The following NRG1 variants were observed in gnomAD, a reference collection of about 807,000 sequenced individuals.
The protein encoded by NRG1 is pro-neuregulin-1, membrane-bound isoform.
In NRG1, 18 loss-of-function variants were observed where a neutral mutation model predicts 63.8. That is an observed-to-expected ratio of 0.28 (90% confidence interval 0.19 to 0.42). The LOEUF is 0.42. Ranked by LOEUF, NRG1 falls within the 10% of genes least tolerant of loss-of-function variation. NRG1 has a pLI of 1.00. For synonymous variants in NRG1, 302 were observed against 301.3 expected, an observed-to-expected ratio of 1.00 and a Z score of -0.02; for missense variants, 762 against 814.7, an observed-to-expected ratio of 0.94 and a Z score of 0.79.
At chr8:31,891,963 G>A (rs1400916994) in intron 1 of NRG1, among the ~76,000 whole-genome samples, 1 of 151,988 alleles carries the variant, frequency 6.6e-6, no homozygotes, top group Non-Finnish European at 1.5e-5. Flanking sequence ...ATTAAATGAA[G>A]AACAGATTAG....
chr8:32,586,178 A>G (rs911336809), intron 1 of NRG1, among the ~76,000 whole-genome samples: 5 of 134,862 alleles, frequency 3.7e-5, no homozygotes, highest in African/African-American at 1.4e-4. Context: ...ATATATATAT[A>G]TATATAATGT....
chr8:31,812,057 C>T (rs1479230393), intron 1 of NRG1, among the ~76,000 whole-genome samples: 1 of 151,908 alleles, frequency 6.6e-6, no homozygotes, highest in Non-Finnish European at 1.5e-5. Flanking sequence ...TCAGATAGAC[C>T]CCATATATAA....
At chr8:32,357,861 GAC>G (rs1806661029) in intron 1 of NRG1, among the ~76,000 whole-genome samples, 1 of 152,166 alleles carries the variant, frequency 6.6e-6, no homozygotes, top group Admixed American at 6.5e-5. Context: ...ACTTTTAAAA[GAC>G]AGTGTAATAA....
At chr8:32,160,222 G>A (rs1395109110) in intron 1 of NRG1, among the ~76,000 whole-genome samples, 2 of 152,156 alleles carry the variant, frequency 1.3e-5, no homozygotes, top group African/African-American at 2.4e-5. Flanking sequence ...AGGCAGACAC[G>A]TTCAAATATG....
At chr8:31,946,151 A>G (rs927511196) in intron 1 of NRG1, among the ~76,000 whole-genome samples, 1 of 152,242 alleles carries the variant, frequency 6.6e-6, no homozygotes, top group African/African-American at 2.4e-5. Context: ...ATAATTGCCT[A>G]AACAATTCAT....
intron 11 of NRG1, among the ~76,000 whole-genome samples, chr8:32,762,771 G>C (rs1830953433): frequency 6.6e-6 from 1 of 152,188 alleles, no homozygotes; most frequent in Non-Finnish European, 1.5e-5. Context: ...GCTGAGAAAT[G>C]TGACTCTGAA....
intron 1 of NRG1, among the ~76,000 whole-genome samples, chr8:32,121,986 A>G (rs964989211): frequency 1.3e-5 from 2 of 151,948 alleles, no homozygotes; most frequent in Non-Finnish European, 2.9e-5. Context: ...CTTGCTACTT[A>G]TTTCCTTTAT....
At chr8:31,739,233 C>T (rs78090045) in intron 1 of NRG1, among the ~76,000 whole-genome samples, 5,144 of 152,070 alleles carry the variant, frequency 0.034, 122 homozygotes, top group Middle Eastern at 0.058. Flanking sequence ...GGTCTTCACG[C>T]GGCAAACCAA....
chr8:32,602,018 G>A (rs185263838), intron 2 of NRG1, among the ~76,000 whole-genome samples: 4 of 152,102 alleles, frequency 2.6e-5, no homozygotes, highest in African/African-American at 4.8e-5. Context: ...GTTTTCGTAC[G>A]TGAATGTACT....
At position 31,940,443 on chromosome 8, in the gene NRG1, A is replaced by G. The variant is rs1225664931; in HGVS notation, c.37+301012A>G. Among the ~76,000 whole-genome samples the G allele has an allele frequency of 5.3e-5, 8 of 152,192 alleles. No homozygotes were observed. In the South Asian group the frequency reaches 1.0e-3, roughly 20 times the overall value. On this transcript the variant is annotated intron_variant, in intron 1 of 10. Coordinates refer to the NRG1 transcript ENST00000519301. ...TTCATAGCATTAAATGCTTACATCAAAAAGTCTGAAAGAGCACAAATAGAC... is the reference window on the plus strand; with the variant it reads ...TTCATAGCATTAAATGCTTACATCAGAAAGTCTGAAAGAGCACAAATAGAC...
At chr8:31,873,876 T>A (rs577815869) in intron 1 of NRG1, among the ~76,000 whole-genome samples, 2 of 152,316 alleles carry the variant, frequency 1.3e-5, no homozygotes, top group Admixed American at 1.3e-4. Context: ...TAAAATGGTA[T>A]TTCCATTTTT....
At chr8:32,296,761 A>G (rs945978802) in intron 1 of NRG1, among the ~76,000 whole-genome samples, 2 of 152,194 alleles carry the variant, frequency 1.3e-5, no homozygotes, top group Non-Finnish European at 2.9e-5. Context: ...CAAAACACTC[A>G]AAGTCCTGCT....
chr8:31,695,605 AT>A (rs1809981963), intron 1 of NRG1, among the ~76,000 whole-genome samples: 1 of 152,232 alleles, frequency 6.6e-6, no homozygotes, highest in Non-Finnish European at 1.5e-5. Context: ...GGGGATTACA[AT>A]TCAACATGAG....
intron 5 of NRG1, among the ~76,000 whole-genome samples, chr8:32,645,660 A>G (rs1446667951): frequency 1.3e-5 from 2 of 152,234 alleles, no homozygotes; most frequent in African/African-American, 4.8e-5. Flanking sequence ...TCAGGGACTC[A>G]TATGATGGCT....
intron 1 of NRG1, among the ~76,000 whole-genome samples, chr8:32,014,970 A>C (rs1815291203): frequency 1.3e-5 from 2 of 152,136 alleles, no homozygotes; most frequent in Non-Finnish European, 2.9e-5. Context: ...AAATCAACAG[A>C]AGCCAGGAGA....
chr8:32,511,225 A>G (rs922258944), intron 1 of NRG1, among the ~76,000 whole-genome samples: 1 of 150,988 alleles, frequency 6.6e-6, no homozygotes, highest in African/African-American at 2.4e-5. Context: ...AAAAACATAC[A>G]ACAGATATTT....
intron 1 of NRG1, among the ~76,000 whole-genome samples, chr8:32,134,020 T>G (rs1315071970): frequency 1.3e-5 from 2 of 152,114 alleles, no homozygotes; most frequent in Non-Finnish European, 2.9e-5. Context: ...TAAAAGAATT[T>G]TACACTCTGC....
chr8:32,702,008 A>G (rs888581143), intron 5 of NRG1, among the ~76,000 whole-genome samples: 2 of 152,234 alleles, frequency 1.3e-5, no homozygotes, highest in African/African-American at 2.4e-5. Context: ...GTAATCAAGT[A>G]TCCTTCTCAG....
intron 1 of NRG1, among the ~76,000 whole-genome samples, chr8:32,474,034 A>G (rs1248910866): frequency 6.6e-6 from 1 of 152,060 alleles, no homozygotes; most frequent in Non-Finnish European, 1.5e-5. Flanking sequence ...ACACAACCCC[A>G]TTGAGATACC....
Sources: allele counts gnomAD v4.1 joint callset (sites outside exome capture counted in the v4.1 genomes callset), GRCh38; gene constraint gnomAD v4.1.1; transcripts MANE v1.5; gene names NCBI Gene and HGNC (gene_info 2026-07-23, HGNC 2026-07-21).